Variants in LYN observed in about 807,000 individuals in gnomAD.
LYN encodes tyrosine-protein kinase Lyn.
In LYN, 12 loss-of-function variants were observed where a neutral mutation model predicts 65.0. That is an observed-to-expected ratio of 0.18 (90% CI 0.12 to 0.30). The LOEUF (loss-of-function observed/expected upper bound fraction) is 0.30. LYN is among the 10% of genes least tolerant of loss of function. The pLI is 1.00. For synonymous variants in LYN, 222 were observed against 221.2 expected (o/e 1.00, Z -0.03); for missense variants, 380 against 623.2 (o/e 0.61, Z 4.16).
intron 1 of LYN, among the ~76,000 whole-genome samples, chr8:55,915,054 C>T (rs1264953290): frequency 6.6e-6 from 1 of 152,116 alleles, no homozygotes; most frequent in East Asian, 1.9e-4. Context: ...TTTTATAATA[C>T]TTACTGTATT....
chr8:55,901,754 G>A (rs1022060760), intron 1 of LYN, among the ~76,000 whole-genome samples: 1 of 152,246 alleles, frequency 6.6e-6, no homozygotes. Context: ...TTTCCAACGC[G>A]GAGCTGGATG....
intron 10 of LYN, among the ~76,000 whole-genome samples, chr8:55,982,734 T>G (rs576165703): frequency 6.6e-6 from 1 of 152,320 alleles, no homozygotes; most frequent in African/African-American, 2.4e-5. Context: ...CTCTGTGTCT[T>G]GACTTCCTCC....
At chr8:55,953,331 G>A (rs1370271422) in intron 7 of LYN, among the ~76,000 whole-genome samples, 3 of 152,196 alleles carry the variant, frequency 2.0e-5, no homozygotes, top group South Asian at 2.1e-4. Context: ...ATACAATCAA[G>A]TATGTTTTAA....
Position 56,011,921 on chromosome 8 carries a change from G to A in LYN, c.*1811G>A. On this transcript the variant is annotated 3_prime_UTR_variant, in exon 13 of 13. Coordinates refer to ENST00000519728, the MANE Select transcript of LYN (RefSeq NM_002350.4). ...ATTACCCAATATGTTACATGGAGAG[G>A]AACTATAAAGAATCCCTAAGGCAAA... 5.4e-6 allele frequency: 1 copy of A among 186,790 alleles called. No individual in the cohort carries two copies. Among genetic ancestry groups the A allele is most frequent in the Admixed American group, 6.2e-5 (1 of 16,038 alleles). 11.6% of individuals were successfully genotyped at this position (186,790 alleles called of 1,614,324 possible).
chr8:55,920,294 C>T (rs1394268753), intron 1 of LYN, among the ~76,000 whole-genome samples: 1 of 152,142 alleles, frequency 6.6e-6, no homozygotes, highest in Non-Finnish European at 1.5e-5. Context: ...AATTACACCG[C>T]TTTCTTTGTT....
At chr8:55,924,538 A>G (rs1037128527) in intron 1 of LYN, among the ~76,000 whole-genome samples, 1 of 150,818 alleles carries the variant, frequency 6.6e-6, no homozygotes, top group Non-Finnish European at 1.5e-5. Context: ...TTATTTTTGT[A>G]TTTTTAGTAG....
At chr8:55,997,577 A>T (rs1808406615) in intron 10 of LYN, among the ~76,000 whole-genome samples, 1 of 152,134 alleles carries the variant, frequency 6.6e-6, no homozygotes, top group East Asian at 1.9e-4. Flanking sequence ...CACCGTCCTG[A>T]TCTAATCACC....
intron 8 of LYN, among the ~76,000 whole-genome samples, chr8:55,958,051 C>T (rs549481655): frequency 5.3e-5 from 8 of 152,152 alleles, no homozygotes; most frequent in South Asian, 2.1e-4. Context: ...GGGTGCCTGG[C>T]GAGGTTGGGA....
At chr8:55,953,727 C>A in intron 7 of LYN, 105 bp from the exon 8 acceptor site, 4 of 910,408 alleles carry the variant, frequency 4.4e-6, no homozygotes, top group East Asian at 2.6e-5. Context: ...TCACAGACTG[C>A]GGCAGGTTGG....
intron 10 of LYN, among the ~76,000 whole-genome samples, chr8:55,993,099 C>T (rs1156459258): frequency 2.0e-5 from 3 of 152,130 alleles, no homozygotes; most frequent in African/African-American, 7.2e-5. Context: ...AAAGTTCATA[C>T]CTACCTAATA....
At chr8:55,931,081 G>A (rs901881907) in intron 1 of LYN, among the ~76,000 whole-genome samples, 3 of 147,030 alleles carry the variant, frequency 2.0e-5, no homozygotes, top group Non-Finnish European at 4.5e-5. Flanking sequence ...ATACGTGTGT[G>A]TATATATATA....
chr8:55,973,069 A>G (rs994546567), intron 10 of LYN, among the ~76,000 whole-genome samples: 4 of 152,200 alleles, frequency 2.6e-5, no homozygotes, highest in African/African-American at 9.7e-5. Flanking sequence ...CCCTAGAAGA[A>G]TAAGGGAAAC....
At position 55,967,021 on chromosome 8, in the gene LYN, G is replaced by A. The variant is rs566970978; in HGVS notation, c.973+124G>A. ...CAGTATACCCACTACCGAAAAATCAGGAAATATGGGAAGACAAAGCAGTTT... is the reference window on the plus strand; with the variant it reads ...CAGTATACCCACTACCGAAAAATCAAGAAATATGGGAAGACAAAGCAGTTT... On this transcript the variant is annotated intron_variant, in intron 9 of 12. Coordinates refer to ENST00000519728, the MANE Select transcript of LYN (RefSeq NM_002350.4). 5.0e-4 allele frequency: 407 copies of A among 813,038 alleles called. 3 individuals carry two copies. The South Asian group carries it at 7.5e-3, about 15-fold the overall frequency. 50.4% of individuals were successfully genotyped at this position (813,038 alleles called of 1,614,324 possible). A position where few individuals can be genotyped will look rare whatever the true frequency, so the allele number is the denominator to read the frequency against.
intron 1 of LYN, among the ~76,000 whole-genome samples, chr8:55,929,300 C>T (rs1806195332): frequency 6.6e-6 from 1 of 152,154 alleles, no homozygotes; most frequent in Non-Finnish European, 1.5e-5. Context: ...ATTAGTGAGA[C>T]TAAGTGAGAC....
At chr8:55,915,270 C>G (rs1244154279) in intron 1 of LYN, among the ~76,000 whole-genome samples, 1 of 152,182 alleles carries the variant, frequency 6.6e-6, no homozygotes, top group Non-Finnish European at 1.5e-5. Context: ...ATACACACCG[C>G]AATTCCAGAT....
At chr8:55,886,253 T>G (rs1804788784) in intron 1 of LYN, among the ~76,000 whole-genome samples, 1 of 151,222 alleles carries the variant, frequency 6.6e-6, no homozygotes, top group Non-Finnish European at 1.5e-5. Flanking sequence ...TTTTTTTTTT[T>G]TTTTTGAGAT....
chr8:55,989,440 G>T (rs1430330296), intron 10 of LYN, among the ~76,000 whole-genome samples: 1 of 152,212 alleles, frequency 6.6e-6, no homozygotes, highest in East Asian at 1.9e-4. Context: ...ACTTCTCAGT[G>T]GGTGTGTTTG....
intron 8 of LYN, among the ~76,000 whole-genome samples, chr8:55,963,923 A>G (rs1243124736): frequency 6.6e-6 from 1 of 152,180 alleles, no homozygotes; most frequent in Non-Finnish European, 1.5e-5. Flanking sequence ...GGCTGGGGTT[A>G]AGGTTAGGGT....
chr8:55,982,732 C>G (rs1302294483), intron 10 of LYN, among the ~76,000 whole-genome samples: 1 of 152,188 alleles, frequency 6.6e-6, no homozygotes, highest in Non-Finnish European at 1.5e-5. Flanking sequence ...TTCTCTGTGT[C>G]TTGACTTCCT....
Sources: gnomAD v4.1 joint callset for allele counts (sites outside exome capture counted in the v4.1 genomes callset) on GRCh38, gnomAD v4.1.1 for gene constraint, MANE v1.5 for transcripts, NCBI Gene and HGNC (gene_info 2026-07-23, HGNC 2026-07-21) for gene names.